ATP10B: variants seen among roughly 807,000 people sequenced by gnomAD.
The protein encoded by ATP10B is phospholipid-transporting ATPase VB.
Under a neutral mutation model 141.2 loss-of-function variants are expected in ATP10B, and 122 were observed. The observed-to-expected ratio is 0.86, with a 90% confidence interval of 0.75 to 1.00. ATP10B has a LOEUF of 1.00. ATP10B is among the 50% of genes least tolerant of loss of function. The pLI is 0.00. For synonymous variants in ATP10B, 685 were observed against 692.0 expected (o/e 0.99, Z 0.16); for missense variants, 1,876 against 1,825.3 (o/e 1.03, Z -0.51).
rs1397195191 is a variant in ATP10B at position 160,686,259 on chromosome 5, T to A, written c.290A>T (p.Tyr97Phe). 4.4e-6 allele frequency: 7 copies of A among 1,597,710 alleles called. No homozygotes were observed. Among genetic ancestry groups the A allele is most frequent in the Non-Finnish European group, 6.0e-6 (7 of 1,169,004 alleles). The change falls in exon 6 of 26, where the codon TAT (tyrosine) becomes TTT (phenylalanine). Residue 97 changes from tyrosine (Y) to phenylalanine (F), a missense_variant. By Grantham distance (22) the Tyr-to-Phe change is conservative (BLOSUM62 3). Transcript: ENST00000327245. ...FEQFHRWANL[Y>F]FLFLVILNWM... The stretch of plus-strand genomic sequence containing the variant: ...GTTCAAAATCACCAGGAACAGGAAA[T>A]AGAGGTTAGCCCATCTGGAGGGGCA...
the ATP10B span, among the ~76,000 whole-genome samples, chr5:160,908,315 T>A: frequency 6.6e-6 from 1 of 152,120 alleles, no homozygotes; most frequent in Admixed American, 6.6e-5. Context: ...TATGGAGATC[T>A]CCCTAGTGCC....
At chr5:160,922,270 G>A in the ATP10B span, among the ~76,000 whole-genome samples, 7 of 152,210 alleles carry the variant, frequency 4.6e-5, no homozygotes, top group African/African-American at 1.4e-4. Flanking sequence ...TGAGTGTCTT[G>A]TAGCAAGTCA....
chr5:160,615,686 G>A (rs1443762702), intron 17 of ATP10B, 152 bp downstream of exon 17: 2 of 887,368 alleles, frequency 2.3e-6, no homozygotes, highest in Middle Eastern at 3.5e-4. Flanking sequence ...GTTGGGTATT[G>A]GCATGGCCCA....
intron 10 of ATP10B, among the ~76,000 whole-genome samples, chr5:160,640,004 T>C (rs1759716478): frequency 6.6e-6 from 1 of 152,230 alleles, no homozygotes. Flanking sequence ...TGTGAGAATC[T>C]AATGCCACCA....
At chr5:160,807,397 A>C (rs1772854197) in intron 1 of ATP10B, among the ~76,000 whole-genome samples, 1 of 152,196 alleles carries the variant, frequency 6.6e-6, no homozygotes, top group Admixed American at 6.6e-5. Flanking sequence ...GCTGAGAAAG[A>C]GAATGGGCTG....
chr5:160,890,074 C>T, the ATP10B span, among the ~76,000 whole-genome samples: 1 of 152,174 alleles, frequency 6.6e-6, no homozygotes, highest in Non-Finnish European at 1.5e-5. Context: ...GAGTGTTTGC[C>T]TCATCCTTAA....
chr5:160,664,699 G>A (rs983312228), intron 7 of ATP10B, among the ~76,000 whole-genome samples: 10 of 152,152 alleles, frequency 6.6e-5, no homozygotes, highest in Non-Finnish European at 7.4e-5. Context: ...CTAGTCCGCA[G>A]ATCATACTTG....
the ATP10B span, among the ~76,000 whole-genome samples, chr5:160,868,621 C>A: frequency 6.6e-6 from 1 of 150,822 alleles, no homozygotes; most frequent in Non-Finnish European, 1.5e-5. Context: ...TTATAATAAG[C>A]TCATAGAGAA....
chr5:160,585,467 G>A (rs1362483356), intron 24 of ATP10B, among the ~76,000 whole-genome samples: 1 of 152,180 alleles, frequency 6.6e-6, no homozygotes, highest in Non-Finnish European at 1.5e-5. Context: ...AGCTGGGCAT[G>A]GTGGCACGCG....
At chr5:160,619,539 C>T (rs1758204381) in intron 15 of ATP10B, among the ~76,000 whole-genome samples, 1 of 152,180 alleles carries the variant, frequency 6.6e-6, no homozygotes, top group East Asian at 1.9e-4. Flanking sequence ...ACTAATCAAT[C>T]CCCATAAACC....
At chr5:160,833,320 G>T (rs1775217659) in intron 1 of ATP10B, among the ~76,000 whole-genome samples, 1 of 152,172 alleles carries the variant, frequency 6.6e-6, no homozygotes, top group African/African-American at 2.4e-5. Context: ...ACCCAATGAA[G>T]GTAAAGCCCT....
chr5:160,793,083 AAAT>A (rs1183757780), intron 1 of ATP10B, among the ~76,000 whole-genome samples: 1 of 152,178 alleles, frequency 6.6e-6, no homozygotes, highest in African/African-American at 2.4e-5. Context: ...CAGAATTCTT[AAAT>A]AATGTTTTGC....
Position 160,586,419 on chromosome 5 carries a change from A to C in ATP10B, c.3750+3173T>G, listed in dbSNP as rs185508139. Among the ~76,000 whole-genome samples, 11 of 152,296 alleles carry C rather than the reference A, an allele frequency of 7.2e-5. No individual in the cohort carries two copies. The East Asian group carries it at 2.1e-3, about 29-fold the overall frequency. ...TGGTTCCATGTCTTTGCTATTGTAA[A>C]TAGTGCTGCAATAAATGTTTGTATG... On this transcript the variant is annotated intron_variant, in intron 24 of 25. Transcript: ENST00000327245.
At chr5:160,856,456 C>T (rs748552538), upstream of ATP10B, among the ~76,000 whole-genome samples, 13 of 151,702 alleles carry the variant, frequency 8.6e-5, no homozygotes, top group Admixed American at 3.3e-4. Context: ...CAAATAGAAA[C>T]GGTATTATTT....
At chr5:160,866,555 C>T in the ATP10B span, among the ~76,000 whole-genome samples, 2 of 152,120 alleles carry the variant, frequency 1.3e-5, no homozygotes, top group Non-Finnish European at 2.9e-5. Flanking sequence ...TGCCTGCAAT[C>T]CCAGCTACTT....
At chr5:160,885,623 A>G in the ATP10B span, among the ~76,000 whole-genome samples, 1 of 152,306 alleles carries the variant, frequency 6.6e-6, no homozygotes, top group South Asian at 2.1e-4. Flanking sequence ...TGAGAGAGAA[A>G]AAACATGGCA....
At position 160,586,694 on chromosome 5, in the gene ATP10B, A is replaced by G. The variant is rs370851972; in HGVS notation, c.3750+2898T>C. Among the ~76,000 whole-genome samples, 92 of 152,170 alleles carry G rather than the reference A, an allele frequency of 6.0e-4. 3 individuals are homozygous for G. In the East Asian group the frequency reaches 0.016, roughly 27 times the overall value. On this transcript the variant is annotated intron_variant, in intron 24 of 25. Transcript: ENST00000327245. The stretch of plus-strand genomic sequence containing the variant: ...GACTGGCGTGAGATGGTATCTCATT[A>G]TGGTTTTGATTTGCATTTCTCTAAT...
intron 2 of ATP10B, among the ~76,000 whole-genome samples, chr5:160,775,721 C>T (rs935043363): frequency 1.5e-5 from 2 of 134,732 alleles, no homozygotes; most frequent in African/African-American, 5.6e-5. Context: ...CGCTCTGTTG[C>T]CCAGGCTGGA....
chr5:160,858,856 C>T, the ATP10B span, among the ~76,000 whole-genome samples: 3 of 151,180 alleles, frequency 2.0e-5, no homozygotes, highest in African/African-American at 4.8e-5. Flanking sequence ...CTTCTTTTCT[C>T]CTTCCTAATT....
Sources: gnomAD v4.1 joint callset for allele counts (sites outside exome capture counted in the v4.1 genomes callset) on GRCh38, gnomAD v4.1.1 for gene constraint, MANE v1.5 for transcripts, NCBI Gene and HGNC (gene_info 2026-07-23, HGNC 2026-07-21) for gene names.